Variants in FBXO4 observed in about 807,000 individuals in gnomAD.
The protein encoded by FBXO4 is F-box only protein 4.
A neutral mutation model predicts 43.7 loss-of-function variants in FBXO4; 36 were observed. That is an observed-to-expected ratio of 0.82 (90% CI 0.63 to 1.09). FBXO4 has a LOEUF of 1.09. Ranked by LOEUF, FBXO4 falls within the 50% of genes least tolerant of loss-of-function variation. FBXO4 has a pLI of 0.00. For missense variants in FBXO4, 435 were observed against 474.1 expected (o/e 0.92, Z 0.77); for synonymous variants, 180 against 165.6 (o/e 1.09, Z -0.67).
At chr5:41,987,921 A>G in the FBXO4 span, among the ~76,000 whole-genome samples, 1 of 152,156 alleles carries the variant, frequency 6.6e-6, no homozygotes, top group Non-Finnish European at 1.5e-5. Context: ...CATATTAATC[A>G]TAGTGGTTTT....
chr5:41,959,601 A>G, the FBXO4 span, among the ~76,000 whole-genome samples: 1 of 152,120 alleles, frequency 6.6e-6, no homozygotes, highest in Non-Finnish European at 1.5e-5. Flanking sequence ...TCTGCATGTG[A>G]AAATTCAGTC....
chr5:41,950,193 A>G, the FBXO4 span, among the ~76,000 whole-genome samples: 1 of 152,246 alleles, frequency 6.6e-6, no homozygotes, highest in Non-Finnish European at 1.5e-5. Context: ...AGCAATGGCA[A>G]CAAAAGCCAA....
chr5:41,987,512 G>T, the FBXO4 span, among the ~76,000 whole-genome samples: 1 of 152,266 alleles, frequency 6.6e-6, no homozygotes, highest in Non-Finnish European at 1.5e-5. Context: ...AAGGGTAATT[G>T]TAATAAGCTC....
At chr5:41,925,536 C>G in intron 1 of FBXO4, 38 bp downstream of exon 1, 2 of 1,283,784 alleles carry the variant, frequency 1.6e-6, no homozygotes, top group Non-Finnish European at 2.0e-6. Flanking sequence ...ACAGTGGGGC[C>G]GGCCCGGGCC....
chr5:41,979,977 G>A, the FBXO4 span, among the ~76,000 whole-genome samples: 1 of 152,086 alleles, frequency 6.6e-6, no homozygotes, highest in Non-Finnish European at 1.5e-5. Flanking sequence ...ACAAAACAAA[G>A]AGATGCATCA....
chr5:42,017,427 T>C, the FBXO4 span, among the ~76,000 whole-genome samples: 1 of 148,554 alleles, frequency 6.7e-6, no homozygotes, highest in East Asian at 1.9e-4. Flanking sequence ...TTTCAAAAAA[T>C]TTCTTTTTTT....
intron 2 of FBXO4, 26 bp downstream of exon 2, chr5:41,927,274 AAAG>A (rs1393626795): frequency 6.7e-7 from 1 of 1,503,044 alleles, no homozygotes; most frequent in Non-Finnish European, 9.0e-7. Context: ...TATGAATTAA[AAAG>A]AAGCTATTAA....
Position 41,925,304 on chromosome 5 carries a change from C to T in FBXO4, c.-6C>T. 12 of 1,331,652 alleles carry T rather than the reference C, an allele frequency of 9.0e-6. No homozygotes were observed. The highest frequency in any genetic ancestry group is 1.2e-5 in the Non-Finnish European group (12 of 1,035,474). The allele number at this position is 1,331,652 out of a possible 1,614,324, so 82.5% of individuals were successfully genotyped here. ...TAAGACGCGTCACCCACGCTGCGGG[C>T]AAGCCATGGCGGGAAGCGAGCCGCG... On this transcript the variant is annotated 5_prime_UTR_variant, in exon 1 of 7. Coordinates refer to ENST00000281623, the MANE Select transcript of FBXO4 (RefSeq NM_012176.3).
the FBXO4 span, among the ~76,000 whole-genome samples, chr5:42,009,375 ATGTGTGTGTGTGTGTGTG>A: frequency 1.7e-3 from 246 of 143,694 alleles, no homozygotes; most frequent in African/African-American, 6.1e-3. Flanking sequence ...GTGTGTGTGT[ATGTGTGTGTGTGTGTGTG>A]TGTGTGTGTG....
At chr5:41,959,740 T>C in the FBXO4 span, among the ~76,000 whole-genome samples, 2 of 152,192 alleles carry the variant, frequency 1.3e-5, no homozygotes, top group African/African-American at 4.8e-5. Context: ...TTTATGCCAG[T>C]ACCAGGCTGT....
the FBXO4 span, among the ~76,000 whole-genome samples, chr5:42,023,397 C>T: frequency 8.6e-5 from 13 of 152,024 alleles, no homozygotes; most frequent in African/African-American, 2.9e-4. Flanking sequence ...CCTGATGATT[C>T]CTCACAACCA....
At chr5:41,973,798 T>C in the FBXO4 span, among the ~76,000 whole-genome samples, 1 of 152,216 alleles carries the variant, frequency 6.6e-6, no homozygotes, top group African/African-American at 2.4e-5. Context: ...AAGCTATTAA[T>C]ACATAATGGG....
rs970467204 is a variant in FBXO4 at position 41,934,685 on chromosome 5, G to A, written c.898+377G>A. 2.6e-5 allele frequency: 28 copies of A among 1,072,726 alleles called. 1 individual carries two copies. In the African/African-American group the frequency reaches 4.3e-4, roughly 16 times the overall value. 66.5% of individuals were successfully genotyped at this position (1,072,726 alleles called of 1,614,324 possible). A position where few individuals can be genotyped will look rare whatever the true frequency, so the allele number is the denominator to read the frequency against. ...TGCATTTTTTTGATACTGACATTTTGTCTGCTTCTGGCTTTATTCAAATAA... is the reference window on the plus strand; with the variant it reads ...TGCATTTTTTTGATACTGACATTTTATCTGCTTCTGGCTTTATTCAAATAA... On this transcript the variant is annotated intron_variant, in intron 5 of 6. Coordinates refer to ENST00000281623, the MANE Select transcript of FBXO4 (RefSeq NM_012176.3).
the FBXO4 span, among the ~76,000 whole-genome samples, chr5:41,976,647 T>C: frequency 6.6e-6 from 1 of 152,212 alleles, no homozygotes; most frequent in Non-Finnish European, 1.5e-5. Context: ...TGGGCAGCTC[T>C]GCTTCTGTGG....
the FBXO4 span, among the ~76,000 whole-genome samples, chr5:41,987,113 CAG>C: frequency 6.6e-6 from 1 of 151,984 alleles, no homozygotes; most frequent in Non-Finnish European, 1.5e-5. Context: ...TAAGAATAAA[CAG>C]TGTTTTTACA....
At chr5:41,986,690 G>A in the FBXO4 span, among the ~76,000 whole-genome samples, 1 of 152,004 alleles carries the variant, frequency 6.6e-6, no homozygotes, top group Non-Finnish European at 1.5e-5. Flanking sequence ...CTAACCTGAG[G>A]CAAGATAGCA....
chr5:41,986,953 G>A, the FBXO4 span, among the ~76,000 whole-genome samples: 1 of 152,220 alleles, frequency 6.6e-6, no homozygotes, highest in South Asian at 2.1e-4. Flanking sequence ...TCATCCTGCT[G>A]TTTATAGAGA....
chr5:41,969,655 C>T, the FBXO4 span, among the ~76,000 whole-genome samples: 4 of 152,246 alleles, frequency 2.6e-5, no homozygotes, highest in South Asian at 8.3e-4. Context: ...AATGCTGCTA[C>T]AAATGCATGT....
the FBXO4 span, among the ~76,000 whole-genome samples, chr5:41,960,182 T>C: frequency 6.6e-6 from 1 of 152,152 alleles, no homozygotes; most frequent in East Asian, 1.9e-4. Context: ...CGTGTAGAAA[T>C]ACTACTGATT....
Sources: allele counts gnomAD v4.1 joint callset (sites outside exome capture counted in the v4.1 genomes callset), GRCh38; gene constraint gnomAD v4.1.1; transcripts MANE v1.5; gene names NCBI Gene and HGNC (gene_info 2026-07-23, HGNC 2026-07-21).